RSL24D1: variants seen among roughly 807,000 people sequenced by gnomAD.
The protein encoded by RSL24D1 is ribosomal L24 domain containing 1, also known as probable ribosome biogenesis protein RLP24.
Under a neutral mutation model 26.2 loss-of-function variants are expected in RSL24D1, and 6 were observed. The ratio of observed to expected loss-of-function variants is 0.23; its 90% confidence interval spans 0.13 to 0.45. The LOEUF (loss-of-function observed/expected upper bound fraction) is 0.45. RSL24D1 is among the 20% of genes least tolerant of loss of function. The pLI is 0.99. For synonymous variants in RSL24D1, 61 were observed against 59.1 expected (o/e 1.03, Z -0.15); for missense variants, 176 against 202.6 (o/e 0.87, Z 0.80).
At chr15:55,194,645 T>C (rs753747548) in intron 1 of RSL24D1, among the ~76,000 whole-genome samples, 2 of 152,188 alleles carry the variant, frequency 1.3e-5, no homozygotes, top group African/African-American at 2.4e-5. Flanking sequence ...TTGCAAAGTA[T>C]GTGCAAATAT....
intron 3 of RSL24D1, among the ~76,000 whole-genome samples, chr15:55,185,991 A>G (rs545267067): frequency 6.6e-6 from 1 of 152,300 alleles, no homozygotes; most frequent in South Asian, 2.1e-4. Flanking sequence ...CCAATGAAAG[A>G]CAAACCACAT....
intron 4 of RSL24D1, among the ~76,000 whole-genome samples, chr15:55,184,210 G>T (rs1248705126): frequency 6.6e-6 from 1 of 152,034 alleles, no homozygotes; most frequent in Non-Finnish European, 1.5e-5. Flanking sequence ...ATTCCAAGCT[G>T]GGGAAGAGGA....
intron 3 of RSL24D1, among the ~76,000 whole-genome samples, chr15:55,188,885 T>C (rs1443105792): frequency 1.3e-5 from 2 of 152,134 alleles, no homozygotes; most frequent in Non-Finnish European, 1.5e-5. Context: ...TAAAACTGAA[T>C]GAAGTCCAGA....
rs78560556 is a variant in RSL24D1, at chr15:55,192,705, G to C, written c.195+15C>G. On this transcript the variant is annotated intron_variant, in intron 2 of 5. Transcript: ENST00000260443. ...GAAACGTGTAAAAACTATATTGATA[G>C]CTAACCGTACTCACCACTGTAAGCT... 4 of 1,561,758 alleles carry C rather than the reference G, an allele frequency of 2.6e-6. No homozygotes were observed. In the Admixed American group the frequency reaches 6.7e-5, roughly 26 times the overall value.
intron 5 of RSL24D1, among the ~76,000 whole-genome samples, chr15:55,183,000 A>C (rs1454926035): frequency 6.6e-6 from 1 of 152,192 alleles, no homozygotes; most frequent in Non-Finnish European, 1.5e-5. Context: ...CCAAAGTTTG[A>C]GAACCACTAA....
At chr15:55,186,434 T>C (rs1436697257) in intron 3 of RSL24D1, among the ~76,000 whole-genome samples, 3 of 152,188 alleles carry the variant, frequency 2.0e-5, no homozygotes, top group Non-Finnish European at 4.4e-5. Flanking sequence ...ATGGAACTAA[T>C]GGACAGCTTG....
rs769599611 is a variant in RSL24D1, at chr15:55,183,382, C to T, written c.351G>A (p.Glu117=). Residue 117 remains glutamate (E), a synonymous_variant, in exon 5 of 6, where the codon GAG becomes GAA. Coordinates refer to ENST00000260443, the MANE Select transcript of RSL24D1 (RefSeq NM_016304.3). ...CTTTGATATCCTGAACTTTCTGTAG[C>T]TCTTTATTTTTCTTCAATCTACAAC... ...FIMNRLKKNK[E]LQKVQDIKEV... The T allele has an allele frequency of 2.5e-6, 4 of 1,612,316 alleles. No homozygotes were observed. The highest frequency in any genetic ancestry group is 3.4e-6 in the Non-Finnish European group (4 of 1,179,452).
At chr15:55,193,064 A>C (rs551722664) in intron 1 of RSL24D1, among the ~76,000 whole-genome samples, 5 of 152,336 alleles carry the variant, frequency 3.3e-5, no homozygotes, top group Admixed American at 2.6e-4. Flanking sequence ...ATTTATATAG[A>C]ATAACAGTAA....
chr15:55,189,465 G>C (rs763029411), intron 3 of RSL24D1, among the ~76,000 whole-genome samples: 35 of 152,292 alleles, frequency 2.3e-4, no homozygotes, highest in African/African-American at 7.0e-4. Flanking sequence ...TTAGGGCTAA[G>C]TACAGAAAAG....
rs770492490 is a variant in RSL24D1, at chr15:55,196,919, A to G, written c.-29T>C. The G allele has an allele frequency of 1.9e-6, 3 of 1,608,754 alleles. No homozygotes were observed. The highest frequency in any genetic ancestry group is 2.6e-6 in the Non-Finnish European group (3 of 1,175,458). ...GAACCCGCGTGTAACCCCACCAAAC[A>G]AACGCCAAGCTTGAGAGGAAGTGAT... is the stretch of plus-strand genomic sequence containing the variant. On this transcript the variant is annotated 5_prime_UTR_variant, in exon 1 of 6. Coordinates refer to ENST00000260443, the MANE Select transcript of RSL24D1 (RefSeq NM_016304.3).
chr15:55,187,563 C>CA (rs1259357670), intron 3 of RSL24D1, among the ~76,000 whole-genome samples: 1 of 151,846 alleles, frequency 6.6e-6, no homozygotes, highest in Admixed American at 6.6e-5. Context: ...AGTTCTCACC[C>CA]AAAAAAAGGA....
At position 55,181,971 on chromosome 15, in the gene RSL24D1, A is replaced by T; in HGVS notation, c.*181T>A. ...TAAGTACATCTATCAGTAAAGATTT[A>T]ACACTGAGATGCAATCTAACATCCG... On this transcript the variant is annotated 3_prime_UTR_variant, in exon 6 of 6. Coordinates refer to ENST00000260443, the MANE Select transcript of RSL24D1 (RefSeq NM_016304.3). 1 of 529,620 alleles carries T rather than the reference A, an allele frequency of 1.9e-6. No individual in the cohort carries two copies. Among genetic ancestry groups the T allele is most frequent in the South Asian group, 2.9e-5 (1 of 34,262 alleles). 32.8% of individuals were successfully genotyped at this position (529,620 alleles called of 1,614,324 possible).
chr15:55,183,473 G>T, intron 4 of RSL24D1, 73 bp from the exon 5 acceptor site: 2 of 1,063,060 alleles, frequency 1.9e-6, no homozygotes, highest in Non-Finnish European at 1.4e-6. Flanking sequence ...TCACAATACA[G>T]CTTCTAAATT....
intron 1 of RSL24D1, among the ~76,000 whole-genome samples, chr15:55,194,877 A>G (rs895433535): frequency 4.0e-5 from 6 of 151,674 alleles, no homozygotes; most frequent in African/African-American, 1.5e-4. Flanking sequence ...TTTTTTTGAT[A>G]TTGGGCATGG....
chr15:55,183,984 C>T (rs1270405148), intron 4 of RSL24D1, among the ~76,000 whole-genome samples: 1 of 152,144 alleles, frequency 6.6e-6, no homozygotes, highest in Non-Finnish European at 1.5e-5. Context: ...ATAGATAAGT[C>T]TCTGTTATAT....
chr15:55,191,061 C>A lies in RSL24D1; in HGVS notation c.196-14G>T. 6.5e-7 allele frequency: 1 copy of A among 1,547,312 alleles called. No individual in the cohort carries two copies. The highest frequency in any genetic ancestry group is 2.3e-5 in the East Asian group (1 of 43,954). ...AAATGAATTATCCTGTAAGAGGGAACAGAGGAGATAAAAATAAGGTTTTAA... is the reference window on the plus strand; with the variant it reads ...AAATGAATTATCCTGTAAGAGGGAAAAGAGGAGATAAAAATAAGGTTTTAA... On this transcript the variant is annotated splice_polypyrimidine_tract_variant and intron_variant, in intron 2 of 5. Coordinates refer to ENST00000260443, the MANE Select transcript of RSL24D1 (RefSeq NM_016304.3).
At chr15:55,196,627 G>A in intron 1 of RSL24D1, 183 bp downstream of exon 1, 2 of 619,740 alleles carry the variant, frequency 3.2e-6, no homozygotes, top group South Asian at 1.9e-5. Flanking sequence ...TCGGAAGACG[G>A]GCAAGGAGAA....
At chr15:55,187,792 G>A (rs117654317) in intron 3 of RSL24D1, among the ~76,000 whole-genome samples, 3,572 of 152,074 alleles carry the variant, frequency 0.023, 58 homozygotes, top group Non-Finnish European at 0.036. Context: ...TGGGTACAAT[G>A]TACACTACTC....
chr15:55,183,323 G>A lies in RSL24D1; in HGVS notation c.410C>T (p.Pro137Leu). The A allele has an allele frequency of 1.2e-6, 2 of 1,611,300 alleles. No homozygotes were observed. Among genetic ancestry groups the A allele is most frequent in the African/African-American group, 1.3e-5 (1 of 74,910 alleles). ...VKQNIHLIRAPLAGKGKQLEE... is the reference protein window; with the variant it reads ...VKQNIHLIRALLAGKGKQLEE... The stretch of plus-strand genomic sequence containing the variant: ...TGCAATGTAGTACTCACCTGCAAGA[G>A]GGGCTCGGATAAGATGGATGTTTTG... The change falls in exon 5 of 6, where the codon CCT becomes CTT. Residue 137 changes from proline to leucine, a missense_variant. Physicochemically the swap from Pro to Leu is moderately conservative, Grantham distance 98. Around this residue, in one of 3 missense-constraint regions of RSL24D1, gnomAD observed 43 missense variants for 38.7 expected, o/e 1.11. Coordinates refer to ENST00000260443, the MANE Select transcript of RSL24D1 (RefSeq NM_016304.3).
Sources: gnomAD v4.1 joint callset for allele counts (sites outside exome capture counted in the v4.1 genomes callset) on GRCh38, gnomAD v4.1.1 for gene constraint, gnomAD v4.1.1 regional missense constraint, MANE v1.5 for transcripts, NCBI Gene and HGNC (gene_info 2026-07-23, HGNC 2026-07-21) for gene names.